The following ARHGAP28 variants were observed in gnomAD, a reference collection of about 807,000 sequenced individuals.
ARHGAP28 encodes the protein rho GTPase-activating protein 28.
ARHGAP28 carries 56 observed loss-of-function variants against 90.7 expected under a neutral mutation model. The ratio of observed to expected loss-of-function variants is 0.62; its 90% CI spans 0.50 to 0.77. The LOEUF (loss-of-function observed/expected upper bound fraction) is 0.77. ARHGAP28 is among the 30% of genes least tolerant of loss of function. ARHGAP28 has a pLI of 0.00. For missense variants in ARHGAP28, 869 were observed against 900.9 expected, an observed-to-expected ratio of 0.96 and a Z score of 0.45; for synonymous variants, 308 against 323.3, an observed-to-expected ratio of 0.95 and a Z score of 0.51.
intron 16 of ARHGAP28, among the ~76,000 whole-genome samples, chr18:6,901,442 C>T (rs2057337778): frequency 6.6e-6 from 1 of 150,904 alleles, no homozygotes; most frequent in Non-Finnish European, 1.5e-5. Context: ...ACTGTACAGC[C>T]AAGAAATCTG....
intron 1 of ARHGAP28, among the ~76,000 whole-genome samples, chr18:6,751,345 C>A (rs1016727806): frequency 4.6e-5 from 7 of 151,674 alleles, no homozygotes; most frequent in Admixed American, 2.0e-4. Context: ...AAAAAAAAAT[C>A]CCAAGAGGTG....
At chr18:6,817,556 A>G (rs1295410945) in intron 1 of ARHGAP28, among the ~76,000 whole-genome samples, 1 of 152,184 alleles carries the variant, frequency 6.6e-6, no homozygotes, top group African/African-American at 2.4e-5. Flanking sequence ...CAAAGATGAG[A>G]GTAGGTTTTA....
intron 1 of ARHGAP28, among the ~76,000 whole-genome samples, chr18:6,736,577 T>A (rs1426950940): frequency 1.7e-5 from 2 of 120,430 alleles, no homozygotes; most frequent in Non-Finnish European, 4.0e-5. Context: ...CCATTTCTAC[T>A]TAAAAAAAAA....
At chr18:6,847,857 C>CA in intron 3 of ARHGAP28, among the ~76,000 whole-genome samples, 1 of 152,222 alleles carries the variant, frequency 6.6e-6, no homozygotes, top group African/African-American at 2.4e-5. Flanking sequence ...GGATACAGAG[C>CA]AAAATCTGCA....
At chr18:6,817,948 A>G (rs1247071531) in intron 1 of ARHGAP28, among the ~76,000 whole-genome samples, 2 of 152,172 alleles carry the variant, frequency 1.3e-5, no homozygotes, top group Non-Finnish European at 2.9e-5. Context: ...ATCTCATGAT[A>G]TCTCTAGGGA....
Position 6,873,731 on chromosome 18 carries a change from C to G in ARHGAP28, c.1168C>G (p.Arg390Gly), listed in dbSNP as rs373273554. ...VPLTVLLDGD[R>G]KKDPGVKVPL... is the part of the protein sequence containing the mutation. ...ACTTACAGTCCTCCTGGACGGTGAC[C>G]GAAAGAAAGACCCTGGAGTGAAAGT... The change falls in exon 9 of 18, where the codon CGA becomes GGA. Residue 390 changes from arginine (R) to glycine (G), a missense_variant. Coordinates refer to ENST00000383472, the MANE Select transcript of ARHGAP28 (RefSeq NM_001366230.1). The G allele has an allele frequency of 6.2e-6, 10 of 1,613,550 alleles. No homozygotes were observed. Among genetic ancestry groups the G allele is most frequent in the Non-Finnish European group, 8.5e-6 (10 of 1,179,898 alleles).
intron 1 of ARHGAP28, 33 bp from the exon 2 acceptor site, chr18:6,824,729 C>T (rs775043853): frequency 9.5e-6 from 14 of 1,476,362 alleles, no homozygotes; most frequent in South Asian, 7.8e-5. Context: ...AAATATAACC[C>T]GTTTTTATTC....
chr18:6,798,194 G>C (rs2056456063), intron 1 of ARHGAP28, among the ~76,000 whole-genome samples: 1 of 152,026 alleles, frequency 6.6e-6, no homozygotes, highest in African/African-American at 2.4e-5. Flanking sequence ...AAATTATTGG[G>C]GTTGTGTGTG....
chr18:6,853,007 G>A (rs2056922324), intron 4 of ARHGAP28, among the ~76,000 whole-genome samples: 1 of 151,972 alleles, frequency 6.6e-6, no homozygotes, highest in Non-Finnish European at 1.5e-5. Context: ...GTGATGCCAG[G>A]GCTCAATCTG....
At chr18:6,850,513 T>G (rs1268817624) in intron 3 of ARHGAP28, among the ~76,000 whole-genome samples, 1 of 152,238 alleles carries the variant, frequency 6.6e-6, no homozygotes, top group East Asian at 1.9e-4. Flanking sequence ...TTTTCTTCTT[T>G]CCATTCTGCC....
Position 6,806,528 on chromosome 18 carries a change from T to TTA in ARHGAP28, c.123-18222_123-18221dup, listed in dbSNP as rs201435931. The stretch of plus-strand genomic sequence containing the variant: ...TCAAATATGACTATATTTTTATTTG[T>TTA]TATATATATATATGACAAAAATTTT... On this transcript the variant is annotated intron_variant, in intron 1 of 17. Coordinates refer to ENST00000383472, the MANE Select transcript of ARHGAP28 (RefSeq NM_001366230.1). Among the ~76,000 whole-genome samples, 74 of 151,788 alleles carry TTA rather than the reference T, an allele frequency of 4.9e-4. 1 individual carries two copies. Among genetic ancestry groups the TTA allele is most frequent in the African/African-American group, 1.3e-3 (53 of 41,456 alleles).
chr18:6,893,491 G>A (rs984212998), intron 14 of ARHGAP28, among the ~76,000 whole-genome samples: 1 of 152,150 alleles, frequency 6.6e-6, no homozygotes, highest in Non-Finnish European at 1.5e-5. Flanking sequence ...TTTTATGGAG[G>A]GGCAGCCATT....
intron 16 of ARHGAP28, among the ~76,000 whole-genome samples, chr18:6,906,111 G>A (rs1235940078): frequency 6.6e-6 from 1 of 151,954 alleles, no homozygotes; most frequent in Non-Finnish European, 1.5e-5. Flanking sequence ...AATAAAGTAG[G>A]AGGAATCACT....
intron 6 of ARHGAP28, among the ~76,000 whole-genome samples, chr18:6,868,797 C>A (rs775166729): frequency 1.8e-4 from 27 of 152,100 alleles, no homozygotes; most frequent in Non-Finnish European, 3.4e-4. Flanking sequence ...ATAATGGATC[C>A]TGTGCTTTTT....
intron 1 of ARHGAP28, among the ~76,000 whole-genome samples, chr18:6,786,946 C>G (rs1035636953): frequency 6.6e-6 from 1 of 151,850 alleles, no homozygotes; most frequent in Admixed American, 6.6e-5. Context: ...GGGCCGCGCG[C>G]GGTGGTTCAT....
chr18:6,770,060 T>C (rs73938294), intron 1 of ARHGAP28, among the ~76,000 whole-genome samples: 4,883 of 152,306 alleles, frequency 0.032, 223 homozygotes, highest in African/African-American at 0.1. Context: ...GCTATCCTTC[T>C]ATAAAACAAC....
At chr18:6,870,812 T>G in intron 7 of ARHGAP28, 80 bp downstream of exon 7, 3 of 1,458,586 alleles carry the variant, frequency 2.1e-6, no homozygotes, top group Non-Finnish European at 1.8e-6. Flanking sequence ...TTTCTTTTTT[T>G]TTTTTGAGAC....
At chr18:6,745,895 C>T (rs2056019124) in intron 1 of ARHGAP28, among the ~76,000 whole-genome samples, 1 of 152,156 alleles carries the variant, frequency 6.6e-6, no homozygotes, top group African/African-American at 2.4e-5. Context: ...TTAAGAGGGG[C>T]TGGGCAAGGA....
At chr18:6,836,692 G>C (rs555309964) in intron 2 of ARHGAP28, among the ~76,000 whole-genome samples, 2 of 152,052 alleles carry the variant, frequency 1.3e-5, no homozygotes, top group Non-Finnish European at 2.9e-5. Flanking sequence ...TATTCAAAAG[G>C]GATGCCAAGA....
Sources: gnomAD v4.1 joint callset for allele counts (sites outside exome capture counted in the v4.1 genomes callset) on GRCh38, gnomAD v4.1.1 for gene constraint, MANE v1.5 for transcripts, NCBI Gene and HGNC (gene_info 2026-07-23, HGNC 2026-07-21) for gene names.